The following B3GALT5 variants were observed in gnomAD, a reference collection of about 807,000 sequenced individuals.
The protein encoded by B3GALT5 is beta-1,3-galactosyltransferase 5.
For synonymous variants in B3GALT5, 156 were observed against 158.6 expected, an observed-to-expected ratio of 0.98 and a Z score of 0.12; for missense variants, 328 against 396.6, an observed-to-expected ratio of 0.83 and a Z score of 1.47.
chr21:39,657,747 TTCTA>T, intron 2 of B3GALT5: 1 of 763,044 alleles, frequency 1.3e-6, no homozygotes, highest in Non-Finnish European at 1.8e-6. Flanking sequence ...CTATCAATCT[TTCTA>T]TCTATCCATA....
chr21:39,624,465 T>C (rs1220747276), intron 1 of B3GALT5, among the ~76,000 whole-genome samples: 1 of 152,226 alleles, frequency 6.6e-6, no homozygotes, highest in Non-Finnish European at 1.5e-5. Flanking sequence ...CAGCAGTTGC[T>C]CAGAGTGGGT....
At chr21:39,634,876 A>T (rs1053504285) in intron 1 of B3GALT5, among the ~76,000 whole-genome samples, 1 of 151,958 alleles carries the variant, frequency 6.6e-6, no homozygotes, top group African/African-American at 2.4e-5. Flanking sequence ...GAATCTTCCC[A>T]TTTTCCCAGA....
intron 1 of B3GALT5, among the ~76,000 whole-genome samples, chr21:39,620,471 A>T (rs2079128729): frequency 6.6e-6 from 1 of 152,104 alleles, no homozygotes; most frequent in African/African-American, 2.4e-5. Flanking sequence ...TGGATGTTTT[A>T]TGTAGATAAT....
Position 39,662,515 on chromosome 21 carries a change from G to C in B3GALT5, c.*1023G>C, listed in dbSNP as rs1422328126. Reference sequence around the variant, plus strand: ...TGCTCTCAAGGACCCCTCGGGCTCAGAGCCCTAAAGTGGGCCCTGGTGAAG... The same window carrying C: ...TGCTCTCAAGGACCCCTCGGGCTCACAGCCCTAAAGTGGGCCCTGGTGAAG... On this transcript the variant is annotated 3_prime_UTR_variant, in exon 4 of 4. Transcript: ENST00000684187. 3 of 167,126 alleles carry C rather than the reference G, an allele frequency of 1.8e-5. No homozygotes were observed. In the East Asian group the frequency reaches 5.8e-4, roughly 32 times the overall value. 10.4% of individuals were successfully genotyped at this position (167,126 alleles called of 1,614,324 possible).
chr21:39,647,542 C>T (rs1254018253), intron 2 of B3GALT5, among the ~76,000 whole-genome samples: 2 of 106,048 alleles, frequency 1.9e-5, no homozygotes, highest in Non-Finnish European at 4.1e-5. Flanking sequence ...TTTCACCTTG[C>T]TGGCCACGCT....
intron 1 of B3GALT5, among the ~76,000 whole-genome samples, chr21:39,636,387 G>T (rs916269436): frequency 6.6e-6 from 1 of 152,178 alleles, no homozygotes; most frequent in African/African-American, 2.4e-5. Context: ...GCTGAGCAGA[G>T]AAATGTGACT....
At chr21:39,648,454 G>A (rs547061060) in intron 2 of B3GALT5, among the ~76,000 whole-genome samples, 9 of 152,228 alleles carry the variant, frequency 5.9e-5, no homozygotes, top group African/African-American at 7.2e-5. Context: ...AGGTGAGGTC[G>A]TCTTCTCTAT....
At chr21:39,660,483 C>T (rs912300594) in intron 3 of B3GALT5, 77 bp from the exon 4 acceptor site, 2 of 1,256,886 alleles carry the variant, frequency 1.6e-6, no homozygotes, top group Non-Finnish European at 2.1e-6. Flanking sequence ...TCTCCTCTCC[C>T]ACCTCAGCCT....
rs968272170 is a variant in B3GALT5, at chr21:39,672,360, C to T, written c.*10868C>T. 6 of 152,226 alleles carry T rather than the reference C, an allele frequency of 3.9e-5. No individual in the cohort carries two copies. Among genetic ancestry groups the T allele is most frequent in the African/African-American group, 1.2e-4 (5 of 41,458 alleles). The allele number at this position is 152,226 out of a possible 1,614,324, so 9.4% of individuals were successfully genotyped here. ...AAGACATCACTAAAATCTACCATGA[C>T]TGGAAATTACTTAATGCAACCAGAG... On this transcript the variant is annotated 3_prime_UTR_variant, in exon 4 of 4. Transcript: ENST00000684187.
chr21:39,641,828 G>C (rs1275818688), intron 1 of B3GALT5, among the ~76,000 whole-genome samples: 1 of 152,072 alleles, frequency 6.6e-6, no homozygotes, highest in African/African-American at 2.4e-5. Flanking sequence ...TGTCATTCAG[G>C]CTTATAAGTC....
At chr21:39,632,630 T>C (rs2079199559) in intron 1 of B3GALT5, among the ~76,000 whole-genome samples, 1 of 152,218 alleles carries the variant, frequency 6.6e-6, no homozygotes, top group Non-Finnish European at 1.5e-5. Context: ...CATCCCTCAT[T>C]ATTAATATGC....
intron 2 of B3GALT5, among the ~76,000 whole-genome samples, chr21:39,647,529 G>A (rs1569215840): frequency 7.6e-6 from 1 of 131,872 alleles, no homozygotes; most frequent in Non-Finnish European, 1.6e-5. Flanking sequence ...TGTAGAGACA[G>A]GGTTTCACCT....
intron 2 of B3GALT5, among the ~76,000 whole-genome samples, chr21:39,651,365 G>C (rs376708010): frequency 6.6e-6 from 1 of 152,206 alleles, no homozygotes; most frequent in East Asian, 1.9e-4. Flanking sequence ...CTGTCAGGGA[G>C]AATCTACTCC....
At chr21:39,657,020 C>G (rs901566154) in intron 2 of B3GALT5, among the ~76,000 whole-genome samples, 3 of 152,230 alleles carry the variant, frequency 2.0e-5, no homozygotes, top group African/African-American at 7.2e-5. Context: ...ATGGGATACA[C>G]TCAGAGGAGC....
chr21:39,635,396 A>G (rs2079220016), intron 1 of B3GALT5, among the ~76,000 whole-genome samples: 1 of 152,064 alleles, frequency 6.6e-6, no homozygotes, highest in Non-Finnish European at 1.5e-5. Flanking sequence ...CAAATCACGG[A>G]TGCGTTTGAG....
Position 39,662,155 on chromosome 21 carries a change from C to G in B3GALT5, c.*663C>G, listed in dbSNP as rs908504419. The G allele has an allele frequency of 6.0e-6, 1 of 167,068 alleles. No individual in the cohort carries two copies. The highest frequency in any genetic ancestry group is 1.5e-5 in the Non-Finnish European group (1 of 68,148). The allele number at this position is 167,068 out of a possible 1,614,324, so 10.3% of individuals were successfully genotyped here. A position where few individuals can be genotyped will look rare whatever the true frequency, so the allele number is the denominator to read the frequency against. ...CAAGTTTCATCCGAGGAAATGTCCCCGCAGTGGATGCAGCTCACATGCTGA... is the reference window on the plus strand; with the variant it reads ...CAAGTTTCATCCGAGGAAATGTCCCGGCAGTGGATGCAGCTCACATGCTGA... On this transcript the variant is annotated 3_prime_UTR_variant, in exon 4 of 4. Coordinates refer to ENST00000684187, the MANE Select transcript of B3GALT5 (RefSeq NM_001356336.2).
chr21:39,623,133 TCCTC>T (rs984962384), intron 1 of B3GALT5, among the ~76,000 whole-genome samples: 1 of 141,742 alleles, frequency 7.1e-6, no homozygotes, highest in Non-Finnish European at 1.5e-5. Context: ...TTTCCTTCCT[TCCTC>T]CCTCCCTTCC....
intron 1 of B3GALT5, among the ~76,000 whole-genome samples, chr21:39,640,369 A>G (rs1040758418): frequency 2.6e-5 from 4 of 152,108 alleles, no homozygotes; most frequent in African/African-American, 9.7e-5. Context: ...GCCTAGTTGC[A>G]TCCTTCCCTG....
intron 1 of B3GALT5, among the ~76,000 whole-genome samples, chr21:39,623,799 C>T (rs769810993): frequency 1.3e-5 from 2 of 152,226 alleles, no homozygotes; most frequent in South Asian, 4.2e-4. Context: ...ATGGTGAGTA[C>T]CTAGAGTCCA....
Sources: gnomAD v4.1 joint callset for allele counts (sites outside exome capture counted in the v4.1 genomes callset) on GRCh38, gnomAD v4.1.1 for gene constraint, MANE v1.5 for transcripts, NCBI Gene and HGNC (gene_info 2026-07-23, HGNC 2026-07-21) for gene names.